Variants in NGF observed in about 807,000 individuals in gnomAD.
NGF encodes nerve growth factor, also known as beta-nerve growth factor.
Under a neutral mutation model 12.8 loss-of-function variants are expected in NGF, and 4 were observed. The observed-to-expected ratio is 0.31, with a 90% CI of 0.15 to 0.72. The LOEUF is 0.72. Among genes scored for constraint, NGF ranks in the 30% least tolerant of loss-of-function variants. The probability of loss-of-function intolerance (pLI) is 0.69; values close to 1 mark genes in which losing one functional copy is unlikely to be tolerated. For missense variants in NGF, 283 were observed against 330.8 expected (o/e 0.86, Z 1.12); for synonymous variants, 140 against 130.0 (o/e 1.08, Z -0.52).
intron 1 of NGF, among the ~76,000 whole-genome samples, chr1:115,313,626 T>G (rs1037348549): frequency 2.4e-4 from 36 of 152,350 alleles, no homozygotes; most frequent in African/African-American, 8.4e-4. Flanking sequence ...GTTTGTTTTC[T>G]GATCAGCTTT....
At chr1:115,301,362 C>T (rs1201921444) in intron 1 of NGF, among the ~76,000 whole-genome samples, 3 of 152,170 alleles carry the variant, frequency 2.0e-5, no homozygotes, top group African/African-American at 7.2e-5. Flanking sequence ...AAAATCAAAA[C>T]GTTATACCCT....
chr1:115,322,515 G>T (rs778366452), intron 1 of NGF, among the ~76,000 whole-genome samples: 54 of 152,188 alleles, frequency 3.5e-4, no homozygotes, highest in Admixed American at 8.5e-4. Flanking sequence ...GGTGGGGGCT[G>T]CACTGTCCCC....
intron 1 of NGF, among the ~76,000 whole-genome samples, chr1:115,333,549 TAC>T (rs1200596241): frequency 1.4e-5 from 2 of 145,508 alleles, no homozygotes; most frequent in Non-Finnish European, 3.0e-5. Flanking sequence ...ATGCGTTGGC[TAC>T]AGTCTTAGGC....
At chr1:115,326,164 G>C (rs758928066) in intron 1 of NGF, among the ~76,000 whole-genome samples, 3 of 152,082 alleles carry the variant, frequency 2.0e-5, no homozygotes, top group Non-Finnish European at 4.4e-5. Context: ...AGAGAATAAG[G>C]AGAAGCCAGC....
chr1:115,307,910 A>G (rs760998005), intron 1 of NGF, among the ~76,000 whole-genome samples: 4 of 152,242 alleles, frequency 2.6e-5, no homozygotes, highest in Non-Finnish European at 5.9e-5. Context: ...ATGAGATTGT[A>G]TGACCTCACC....
chr1:115,302,907 C>T (rs7520839), intron 1 of NGF, among the ~76,000 whole-genome samples: 38,400 of 152,118 alleles, frequency 0.25, 5,700 homozygotes, highest in African/African-American at 0.42. Context: ...TGCTTTTCCC[C>T]TTTGTCATCT....
intron 1 of NGF, among the ~76,000 whole-genome samples, chr1:115,305,688 G>A (rs1216157953): frequency 6.6e-6 from 1 of 152,172 alleles, no homozygotes; most frequent in East Asian, 1.9e-4. Context: ...AACCACCAAG[G>A]AAGAGATTTT....
chr1:115,318,174 A>G (rs1333793220), intron 1 of NGF, among the ~76,000 whole-genome samples: 1 of 152,218 alleles, frequency 6.6e-6, no homozygotes, highest in East Asian at 1.9e-4. Flanking sequence ...ATTAGAAGAA[A>G]TGCCCCTTTC....
chr1:115,326,330 G>T (rs1654777241), intron 1 of NGF, among the ~76,000 whole-genome samples: 2 of 152,122 alleles, frequency 1.3e-5, no homozygotes, highest in Non-Finnish European at 2.9e-5. Flanking sequence ...GTTCAATGGT[G>T]GTGGCAATGG....
chr1:115,327,339 GCT>G (rs953245433), intron 1 of NGF, among the ~76,000 whole-genome samples: 9 of 152,122 alleles, frequency 5.9e-5, no homozygotes, highest in African/African-American at 2.2e-4. Context: ...GACATCTCCT[GCT>G]CTTTTTTGGA....
chr1:115,310,340 A>G (rs1654306735), intron 1 of NGF, among the ~76,000 whole-genome samples: 1 of 152,234 alleles, frequency 6.6e-6, no homozygotes. Context: ...TATAATGAAC[A>G]TAAGGTCCAT....
intron 1 of NGF, among the ~76,000 whole-genome samples, chr1:115,322,241 T>C (rs1654650347): frequency 6.6e-6 from 1 of 152,202 alleles, no homozygotes; most frequent in African/African-American, 2.4e-5. Flanking sequence ...CGCCTTGCTC[T>C]TTGATGGTGC....
chr1:115,324,864 A>G (rs1285225932), intron 1 of NGF, among the ~76,000 whole-genome samples: 1 of 152,178 alleles, frequency 6.6e-6, no homozygotes, highest in Non-Finnish European at 1.5e-5. Flanking sequence ...TATTTGTTGA[A>G]TTACTCATTT....
intron 1 of NGF, among the ~76,000 whole-genome samples, chr1:115,335,360 A>G (rs1655079062): frequency 6.6e-6 from 1 of 152,186 alleles, no homozygotes; most frequent in South Asian, 2.1e-4. Context: ...ATGGGAATGG[A>G]TTGGGGAAGG....
chr1:115,319,027 C>G (rs1359336093), intron 1 of NGF, among the ~76,000 whole-genome samples: 2 of 152,208 alleles, frequency 1.3e-5, no homozygotes, highest in Non-Finnish European at 2.9e-5. Flanking sequence ...CTGGCTCTCA[C>G]TAGCGTCCTG....
chr1:115,330,947 G>A (rs776749007), intron 1 of NGF, among the ~76,000 whole-genome samples: 1 of 152,230 alleles, frequency 6.6e-6, no homozygotes, highest in Non-Finnish European at 1.5e-5. Flanking sequence ...TCTGACAAAG[G>A]GCAACTGGGC....
chr1:115,327,644 A>G (rs1389530264), intron 1 of NGF, among the ~76,000 whole-genome samples: 1 of 152,216 alleles, frequency 6.6e-6, no homozygotes, highest in Non-Finnish European at 1.5e-5. Context: ...CAATTTTCAG[A>G]AAGGGTGGAA....
intron 2 of NGF, among the ~76,000 whole-genome samples, chr1:115,289,161 G>A (rs144929017): frequency 0.014 from 2,124 of 152,242 alleles, 29 homozygotes; most frequent in Non-Finnish European, 0.022. Context: ...TCAACTCTTA[G>A]CGGACTGAAT....
chr1:115,290,487 C>T (rs1239158929), intron 2 of NGF, among the ~76,000 whole-genome samples: 3 of 142,860 alleles, frequency 2.1e-5, no homozygotes, highest in African/African-American at 7.8e-5. Flanking sequence ...CCTTTGCCTC[C>T]TGGGTTCAAA....
Sources: allele counts gnomAD v4.1 joint callset (sites outside exome capture counted in the v4.1 genomes callset), GRCh38; gene constraint gnomAD v4.1.1; transcripts MANE v1.5; gene names NCBI Gene and HGNC (gene_info 2026-07-23, HGNC 2026-07-21).